Variants in C22orf31 observed in about 807,000 individuals in gnomAD.
C22orf31 encodes uncharacterized protein C22orf31.
Under a neutral mutation model 15.0 loss-of-function variants are expected in C22orf31, and 11 were observed. The observed-to-expected ratio is 0.73, with a 90% CI of 0.46 to 1.21. The LOEUF (loss-of-function observed/expected upper bound fraction) is 1.21. Among genes scored for constraint, C22orf31 ranks in the 50% most tolerant of loss-of-function variants. C22orf31 has a pLI of 0.00. For synonymous variants in C22orf31, 132 were observed against 133.3 expected (o/e 0.99, Z 0.07); for missense variants, 340 against 347.2 (o/e 0.98, Z 0.17).
At chr22:29,068,966 G>T in the C22orf31 span, among the ~76,000 whole-genome samples, 1 of 151,728 alleles carries the variant, frequency 6.6e-6, no homozygotes, top group Non-Finnish European at 1.5e-5. Context: ...GTTTCACTAT[G>T]TTGGTCAGGC....
chr22:29,072,381 C>T, the C22orf31 span, among the ~76,000 whole-genome samples: 2 of 151,920 alleles, frequency 1.3e-5, no homozygotes, highest in Non-Finnish European at 2.9e-5. Context: ...CCGTCTCGGC[C>T]TCCCAAAGTG....
chr22:29,063,717 G>A (rs1326311148), upstream of C22orf31, among the ~76,000 whole-genome samples: 1 of 152,140 alleles, frequency 6.6e-6, no homozygotes, highest in Admixed American at 6.5e-5. Context: ...CACTTTATTA[G>A]CATCATGTCA....
Position 29,058,715 on chromosome 22 carries a change from ATACTC to A in C22orf31, c.*22_*26del. ...TTATTTTTCAGATCTCTAGCAGAGA[ATACTC>A]TAATCCCATGAGTTCTTGTTCCTAT... On this transcript the variant is annotated 3_prime_UTR_variant, in exon 3 of 3. Coordinates refer to ENST00000216071, the MANE Select transcript of C22orf31 (RefSeq NM_015370.2). 2 of 1,532,842 alleles carry A rather than the reference ATACTC, an allele frequency of 1.3e-6. No homozygotes were observed. Among genetic ancestry groups the A allele is most frequent in the Non-Finnish European group, 1.8e-6 (2 of 1,126,064 alleles). 95.0% of individuals were successfully genotyped at this position (1,532,842 alleles called of 1,614,324 possible). A position where few individuals can be genotyped will look rare whatever the true frequency, so the allele number is the denominator to read the frequency against.
At chr22:29,073,294 C>A in the C22orf31 span, 1 of 666,868 alleles carries the variant, frequency 1.5e-6, no homozygotes, top group Non-Finnish European at 2.0e-6. The surrounding 1 kb of genome is among the most constrained non-coding windows in gnomAD (Gnocchi z 4.4). Flanking sequence ...CAAGGGCCGG[C>A]CGGCCTGAGA....
At chr22:29,069,014 G>A in the C22orf31 span, among the ~76,000 whole-genome samples, 4 of 151,894 alleles carry the variant, frequency 2.6e-5, no homozygotes, top group South Asian at 4.2e-4. Flanking sequence ...CTCTTGCCTC[G>A]GCCTCCCAAA....
At chr22:29,073,508 G>T in the C22orf31 span, among the ~76,000 whole-genome samples, 1 of 152,078 alleles carries the variant, frequency 6.6e-6, no homozygotes, top group Admixed American at 6.5e-5. This position sits in a 1 kb window ranked among gnomAD's most constrained non-coding sequence, Gnocchi z 4.4. Flanking sequence ...TCTCCGCCTT[G>T]AGTCTTCCAA....
chr22:29,072,856 C>T, the C22orf31 span, among the ~76,000 whole-genome samples: 1 of 152,054 alleles, frequency 6.6e-6, no homozygotes, highest in Non-Finnish European at 1.5e-5. Context: ...GAGAGATGGG[C>T]GGGGCCTGAT....
the C22orf31 span, among the ~76,000 whole-genome samples, chr22:29,071,845 C>G: frequency 2.6e-5 from 4 of 152,354 alleles, no homozygotes; most frequent in East Asian, 7.7e-4. Context: ...TGATCCCTAA[C>G]ATCCCAGGCT....
chr22:29,073,173 G>T, the C22orf31 span: 1 of 1,172,762 alleles, frequency 8.5e-7, no homozygotes. This position sits in a 1 kb window ranked among gnomAD's most constrained non-coding sequence, Gnocchi z 4.4. Context: ...CTCCGCCGCG[G>T]CGCTCACGCT....
intron 1 of C22orf31, among the ~76,000 whole-genome samples, chr22:29,061,178 C>G (rs1303633153): frequency 1.3e-5 from 2 of 152,132 alleles, no homozygotes; most frequent in Non-Finnish European, 2.9e-5. Flanking sequence ...CTCAAGACTT[C>G]CATATGAGCT....
In C22orf31 at chr22:29,058,750, TGC is replaced by T; in HGVS notation, c.863_864del (p.Ser288LysfsTer?). On this transcript the variant is annotated frameshift_variant, in exon 3 of 3. Transcript: ENST00000216071. LOFTEE classifies it high-confidence loss of function. ...PVLKKWPKLK[S>X]KK is the part of the protein sequence containing the mutation. ...CCCATGAGTTCTTGTTCCTATTTTT[TGC>T]TCTTTAACTTGGGCCATTTCTTGAG... 6.2e-7 allele frequency: 1 copy of T among 1,605,880 alleles called. No individual in the cohort carries two copies.
In C22orf31 at chr22:29,060,731, T is replaced by C. The variant is rs759026377; in HGVS notation, c.116A>G (p.Asn39Ser). Reference protein sequence around the residue: ...DCYVDSPALTNIWMARTCAKQ... With the variant: ...DCYVDSPALTSIWMARTCAKQ... The stretch of plus-strand genomic sequence containing the variant: ...TGCACATGTTCTGGCCATCCAGATG[T>C]TGGTGAGAGCCGGTGAGTCCACATA... The change falls in exon 2 of 3, where the codon AAC (asparagine) becomes AGC (serine). Residue 39 changes from asparagine (N) to serine (S), a missense_variant. Transcript: ENST00000216071. The C allele has an allele frequency of 6.2e-7, 1 of 1,614,044 alleles. No individual in the cohort carries two copies. The highest frequency in any genetic ancestry group is 1.3e-5 in the African/African-American group (1 of 74,914).
chr22:29,062,988 G>A (rs2037406242), upstream of C22orf31, among the ~76,000 whole-genome samples: 1 of 152,076 alleles, frequency 6.6e-6, no homozygotes, highest in Non-Finnish European at 1.5e-5. Flanking sequence ...GGGCTACCTG[G>A]AAATTACCAT....
At chr22:29,068,505 G>T in the C22orf31 span, among the ~76,000 whole-genome samples, 1 of 151,384 alleles carries the variant, frequency 6.6e-6, no homozygotes, top group Non-Finnish European at 1.5e-5. Context: ...CTGCCTCTCG[G>T]GTTCACACCG....
At chr22:29,069,187 G>T in the C22orf31 span, among the ~76,000 whole-genome samples, 1 of 152,154 alleles carries the variant, frequency 6.6e-6, no homozygotes, top group African/African-American at 2.4e-5. Context: ...TGTGGGGCTG[G>T]TAAGAATGCC....
chr22:29,059,869 A>T, intron 2 of C22orf31: 4 of 985,052 alleles, frequency 4.1e-6, no homozygotes, highest in African/African-American at 1.7e-5. Context: ...AAGCCACCTC[A>T]TCCTTCTCTA....
chr22:29,060,021 C>CTTTTTTTTTTTT (rs60208241), intron 2 of C22orf31: 250 of 541,634 alleles, frequency 4.6e-4, no homozygotes, highest in Admixed American at 1.8e-3. Context: ...TTTTTCTTTT[C>CTTTTTTTTTTTT]TTTTTTTTTT....
At chr22:29,059,294 T>C (rs1320889241) in intron 2 of C22orf31, 112 bp from the exon 3 acceptor site, 1 of 763,648 alleles carries the variant, frequency 1.3e-6, no homozygotes, top group Admixed American at 2.7e-5. Context: ...CCAACATTTG[T>C]CTAGCATGTT....
At chr22:29,061,421 C>T (rs939652948) in intron 1 of C22orf31, among the ~76,000 whole-genome samples, 6 of 152,090 alleles carry the variant, frequency 3.9e-5, no homozygotes, top group African/African-American at 1.2e-4. Context: ...CATGCACCAC[C>T]GCACCCAGCT....
Sources: allele counts gnomAD v4.1 joint callset (sites outside exome capture counted in the v4.1 genomes callset), GRCh38; gene constraint gnomAD v4.1.1; non-coding constraint Gnocchi (gnomAD v3.1); transcripts MANE v1.5; gene names NCBI Gene and HGNC (gene_info 2026-07-23, HGNC 2026-07-21).